HOMER1: variants seen among roughly 807,000 people sequenced by gnomAD.
HOMER1 encodes homer protein homolog 1.
A neutral mutation model predicts 48.9 loss-of-function variants in HOMER1; 3 were observed. The observed-to-expected ratio is 0.06, with a 90% CI of 0.03 to 0.16. The LOEUF is 0.16. Ranked by LOEUF, HOMER1 falls within the 10% of genes least tolerant of loss-of-function variation. The pLI is 1.00. For missense variants in HOMER1, 247 were observed against 411.4 expected, an observed-to-expected ratio of 0.60 and a Z score of 3.46; for synonymous variants, 134 against 146.4, an observed-to-expected ratio of 0.92 and a Z score of 0.61.
rs1580405534 is a variant in HOMER1 at position 79,373,620 on chromosome 5, A to G, written c.*2389T>C. 6.6e-6 allele frequency: 1 copy of G among 152,118 alleles called. No individual in the cohort carries two copies. Among genetic ancestry groups the G allele is most frequent in the Admixed American group, 6.5e-5 (1 of 15,276 alleles). The allele number at this position is 152,118 out of a possible 1,614,324, so 9.4% of individuals were successfully genotyped here. ...ATTTCTACATACTCTCCTACTGTAA[A>G]TGAATAGTTAAAAGTCTTAAGAAGA... On this transcript the variant is annotated 3_prime_UTR_variant, in exon 9 of 9. Coordinates refer to ENST00000334082, the MANE Select transcript of HOMER1 (RefSeq NM_004272.5).
intron 8 of HOMER1, among the ~76,000 whole-genome samples, chr5:79,392,976 AG>A (rs1749292677): frequency 6.6e-6 from 1 of 151,910 alleles, no homozygotes; most frequent in Non-Finnish European, 1.5e-5. Context: ...AGAGAGAGAG[AG>A]AGAGAGAGAG....
intron 1 of HOMER1, among the ~76,000 whole-genome samples, chr5:79,478,490 A>ACCAGC (rs2112337285): frequency 6.8e-6 from 1 of 147,594 alleles, no homozygotes; most frequent in South Asian, 2.1e-4. Flanking sequence ...GGAGTTCGAG[A>ACCAGC]CCAGCCTGGG....
intron 1 of HOMER1, among the ~76,000 whole-genome samples, chr5:79,467,407 A>AAC (rs1304881972): frequency 1.3e-5 from 2 of 151,400 alleles, no homozygotes; most frequent in Non-Finnish European, 2.9e-5. Context: ...AAAAAAAAAA[A>AAC]AAAAAACTAA....
chr5:79,388,839 A>G (rs1274099417), intron 8 of HOMER1, among the ~76,000 whole-genome samples: 7 of 152,074 alleles, frequency 4.6e-5, no homozygotes, highest in Non-Finnish European at 1.0e-4. Context: ...GAGGTTGCAA[A>G]AAACAAAATC....
chr5:79,485,731 G>A (rs1359858237), intron 1 of HOMER1, among the ~76,000 whole-genome samples: 2 of 152,170 alleles, frequency 1.3e-5, no homozygotes, highest in Admixed American at 1.3e-4. Context: ...CCTAATTGAA[G>A]TTGGTTAGTT....
intron 5 of HOMER1, among the ~76,000 whole-genome samples, chr5:79,414,052 T>C (rs1388307572): frequency 6.6e-6 from 1 of 152,082 alleles, no homozygotes; most frequent in Non-Finnish European, 1.5e-5. Flanking sequence ...TGGGATCCTC[T>C]CATCAGATGT....
chr5:79,444,795 A>T (rs1016236776), intron 4 of HOMER1, among the ~76,000 whole-genome samples: 6 of 152,252 alleles, frequency 3.9e-5, no homozygotes, highest in Non-Finnish European at 8.8e-5. Flanking sequence ...CAGAGGAACT[A>T]GAGCTCCCAA....
At chr5:79,425,251 A>G (rs1239497580) in intron 5 of HOMER1, among the ~76,000 whole-genome samples, 2 of 145,416 alleles carry the variant, frequency 1.4e-5, no homozygotes, top group African/African-American at 5.1e-5. Flanking sequence ...CCGGAGTAGG[A>G]AAAAAAAAAA....
Position 79,427,475 on chromosome 5 carries a change from G to A in HOMER1, c.527+11535C>T, listed in dbSNP as rs567516049. 3.3e-5 allele frequency among the ~76,000 whole-genome samples: 5 copies of A among 152,048 alleles called. No individual in the cohort carries two copies. In the South Asian group the frequency reaches 6.2e-4, roughly 19 times the overall value. ...ACGATCTTAGCTCACCACAATTTTC[G>A]CCTCCCAGGTTCAAGCGATTCTCAT... On this transcript the variant is annotated intron_variant, in intron 5 of 8. Coordinates refer to ENST00000334082, the MANE Select transcript of HOMER1 (RefSeq NM_004272.5).
chr5:79,379,079 CATATATATATATAT>C (rs3082000), intron 8 of HOMER1, among the ~76,000 whole-genome samples: 814 of 55,212 alleles, frequency 0.015, 71 homozygotes, highest in African/African-American at 0.043. Context: ...ACCTTTTGTC[CATATATATATATAT>C]ATATATATAT....
chr5:79,389,508 T>G (rs1749194198), intron 8 of HOMER1, among the ~76,000 whole-genome samples: 2 of 152,200 alleles, frequency 1.3e-5, no homozygotes, highest in Admixed American at 6.5e-5. Context: ...GATTAGGTCA[T>G]GAGGGCTCCT....
In HOMER1 at chr5:79,510,533, G is replaced by C. The variant is rs542876083; in HGVS notation, c.5+2237C>G. On this transcript the variant is annotated intron_variant, in intron 1 of 8. Coordinates refer to ENST00000334082, the MANE Select transcript of HOMER1 (RefSeq NM_004272.5). The stretch of plus-strand genomic sequence containing the variant: ...AGCACAAAGATACGAATCTCTTAAG[G>C]GGGTGGACCCCAAGTTCCTGAGGAA... 63 of 740,620 alleles carry C rather than the reference G, an allele frequency of 8.5e-5. No individual in the cohort carries two copies. The East Asian group carries it at 1.6e-3, about 19-fold the overall frequency. The allele number at this position is 740,620 out of a possible 1,614,324, so 45.9% of individuals were successfully genotyped here.
intron 1 of HOMER1, among the ~76,000 whole-genome samples, chr5:79,470,432 T>TA (rs1002820768): frequency 7.9e-5 from 12 of 152,166 alleles, no homozygotes; most frequent in Non-Finnish European, 1.3e-4. Context: ...GACCTGGGCA[T>TA]AAAAAATGCT....
chr5:79,415,702 T>A (rs1260413900), intron 5 of HOMER1, among the ~76,000 whole-genome samples: 1 of 152,240 alleles, frequency 6.6e-6, no homozygotes, highest in Non-Finnish European at 1.5e-5. Flanking sequence ...GGAAAATTAA[T>A]CTGAAACAAA....
chr5:79,376,175 T>C lies in HOMER1; in HGVS notation c.899A>G (p.Asp300Gly). The C allele has an allele frequency of 6.2e-7, 1 of 1,611,860 alleles. No individual in the cohort carries two copies. The highest frequency in any genetic ancestry group is 8.5e-7 in the Non-Finnish European group (1 of 1,179,298). The part of the protein sequence containing the change: ...KLQEVEIRNK[D>G]LEGQLSDLEQ... ...TAAGTCAGACAGTTGTCCCTCCAGG[T>C]CTTTGTTCCGAATTTCTACTTCCTT... Residue 300 changes from aspartate (D) to glycine (G), a missense_variant, in exon 9 of 9, where the codon GAC (aspartate) becomes GGC (glycine). Asp to Gly is a moderately conservative substitution (Grantham distance 94). Transcript: ENST00000334082.
At chr5:79,468,014 T>C (rs548219239) in intron 1 of HOMER1, among the ~76,000 whole-genome samples, 3 of 152,254 alleles carry the variant, frequency 2.0e-5, no homozygotes, top group African/African-American at 4.8e-5. Flanking sequence ...GCTCATGCGA[T>C]CCTCTCACTT....
At chr5:79,430,307 G>A (rs886191107) in intron 5 of HOMER1, among the ~76,000 whole-genome samples, 1 of 152,122 alleles carries the variant, frequency 6.6e-6, no homozygotes, top group African/African-American at 2.4e-5. Flanking sequence ...AAATACAAAT[G>A]AAAGCCACAA....
Position 79,439,143 on chromosome 5 carries a change from C to T in HOMER1, c.394G>A (p.Ala132Thr), listed in dbSNP as rs757029273. 1.1e-5 allele frequency: 17 copies of T among 1,613,436 alleles called. No individual in the cohort carries two copies. Among genetic ancestry groups the T allele is most frequent in the African/African-American group, 5.3e-5 (4 of 74,876 alleles). Residue 132 changes from alanine (A) to threonine (T), a missense_variant, in exon 5 of 9, where the codon GCA (alanine) becomes ACA (threonine). Ala to Thr is a moderately conservative substitution (Grantham distance 58). Coordinates refer to ENST00000334082, the MANE Select transcript of HOMER1 (RefSeq NM_004272.5). ...AAAGGAGACTGAAGATCCCCGCCTG[C>T]GGATTCCTTTAAAAAAAGGGGTGGG... ...ELTSTPSQES[A>T]GGDLQSPLTP... is the part of the protein sequence containing the mutation.
chr5:79,377,252 C>T (rs34253115), intron 8 of HOMER1, among the ~76,000 whole-genome samples: 28,552 of 152,074 alleles, frequency 0.19, 3,310 homozygotes, highest in East Asian at 0.45. Flanking sequence ...AGGCGTGAGC[C>T]ACCCCGCCTG....
Sources: allele counts gnomAD v4.1 joint callset (sites outside exome capture counted in the v4.1 genomes callset), GRCh38; gene constraint gnomAD v4.1.1; transcripts MANE v1.5; gene names NCBI Gene and HGNC (gene_info 2026-07-23, HGNC 2026-07-21).